RNF130: variants seen among roughly 807,000 people sequenced by gnomAD.
The protein encoded by RNF130 is E3 ubiquitin-protein ligase RNF130.
In RNF130, 21 loss-of-function variants were observed where a neutral mutation model predicts 44.6. The ratio of observed to expected loss-of-function variants is 0.47; its 90% CI spans 0.33 to 0.68. The LOEUF is 0.68. RNF130 is among the 30% of genes least tolerant of loss of function. RNF130 has a pLI of 0.02. For synonymous variants in RNF130, 214 were observed against 210.4 expected (o/e 1.02, Z -0.15); for missense variants, 479 against 560.6 (o/e 0.85, Z 1.47).
At chr5:179,964,118 T>C (rs1362292906) in intron 7 of RNF130, 1 of 152,480 alleles carries the variant, frequency 6.6e-6, no homozygotes, top group Non-Finnish European at 1.5e-5. Flanking sequence ...GATATTTACG[T>C]AAAAAGGACA....
chr5:179,971,878 C>T (rs1223017945), intron 5 of RNF130, among the ~76,000 whole-genome samples: 2 of 152,164 alleles, frequency 1.3e-5, no homozygotes, highest in Admixed American at 6.5e-5. Flanking sequence ...TATACACACA[C>T]GTCTGCCTAT....
intron 2 of RNF130, among the ~76,000 whole-genome samples, chr5:180,036,153 T>A (rs558244354): frequency 6.6e-6 from 1 of 152,304 alleles, no homozygotes; most frequent in East Asian, 1.9e-4. Flanking sequence ...ATTCTGATAT[T>A]TTCCCCCTTA....
intron 7 of RNF130, among the ~76,000 whole-genome samples, chr5:179,936,967 C>T (rs1276930058): frequency 6.6e-6 from 1 of 152,152 alleles, no homozygotes; most frequent in Admixed American, 6.5e-5. Context: ...CAAAATGGAT[C>T]AAATACCTAA....
intron 3 of RNF130, among the ~76,000 whole-genome samples, chr5:179,990,578 C>G (rs181673077): frequency 6.6e-6 from 1 of 152,276 alleles, no homozygotes; most frequent in Non-Finnish European, 1.5e-5. Context: ...TCTCTAAACT[C>G]CCCCAGGGAA....
At chr5:179,950,591 T>G (rs1445278296), downstream of RNF130, among the ~76,000 whole-genome samples, 4 of 152,218 alleles carry the variant, frequency 2.6e-5, no homozygotes, top group African/African-American at 9.6e-5. Context: ...ACAAACAGGT[T>G]CAAATTTCAA....
At chr5:180,017,452 C>G (rs1327556138) in intron 2 of RNF130, among the ~76,000 whole-genome samples, 1 of 152,122 alleles carries the variant, frequency 6.6e-6, no homozygotes, top group Non-Finnish European at 1.5e-5. Flanking sequence ...CTAGCCAGTT[C>G]CCCAAAAACC....
intron 1 of RNF130, among the ~76,000 whole-genome samples, chr5:180,051,492 C>T (rs1397616802): frequency 1.3e-5 from 2 of 152,082 alleles, no homozygotes; most frequent in African/African-American, 4.8e-5. Flanking sequence ...TTGCCTGGGC[C>T]TCCCAAAGTG....
intron 1 of RNF130, among the ~76,000 whole-genome samples, chr5:180,055,447 T>TGC (rs1764794140): frequency 6.6e-6 from 1 of 151,066 alleles, no homozygotes; most frequent in Non-Finnish European, 1.5e-5. Context: ...ACTTTGTGTG[T>TGC]GTGTGCGTGT....
chr5:179,913,271 C>T (rs1761494871), exon 8 of RNF130: 1 of 152,232 alleles, frequency 6.6e-6, no homozygotes, highest in African/African-American at 2.4e-5. Context: ...GGAGGAACTC[C>T]ACAGCCCAGG....
At chr5:180,000,944 T>C (rs1561687247) in intron 3 of RNF130, among the ~76,000 whole-genome samples, 1 of 152,244 alleles carries the variant, frequency 6.6e-6, no homozygotes, top group East Asian at 1.9e-4. Flanking sequence ...CCTTATTTCA[T>C]GTTTCTCACG....
At chr5:180,057,466 G>A (rs1488473945) in intron 1 of RNF130, among the ~76,000 whole-genome samples, 5 of 152,016 alleles carry the variant, frequency 3.3e-5, no homozygotes, top group African/African-American at 4.8e-5. Context: ...GGAAATTGCC[G>A]GAACCTAGGA....
At chr5:179,971,197 T>C (rs760174635) in intron 5 of RNF130, among the ~76,000 whole-genome samples, 11 of 152,090 alleles carry the variant, frequency 7.2e-5, no homozygotes, top group Admixed American at 3.3e-4. Context: ...AAAAGGAACT[T>C]GTGCCCTCCG....
chr5:180,010,223 G>A (rs1217440501), intron 3 of RNF130, among the ~76,000 whole-genome samples: 17 of 129,552 alleles, frequency 1.3e-4, no homozygotes, highest in Admixed American at 4.6e-4. Flanking sequence ...CTCCAGCCTC[G>A]GCGACAGTGA....
chr5:179,987,650 G>A (rs1762985627), intron 3 of RNF130, among the ~76,000 whole-genome samples: 1 of 152,186 alleles, frequency 6.6e-6, no homozygotes, highest in South Asian at 2.1e-4. Flanking sequence ...CTATATTGAA[G>A]TATGTTACTT....
chr5:180,011,230 C>T (rs1763589908), intron 3 of RNF130, among the ~76,000 whole-genome samples: 1 of 152,088 alleles, frequency 6.6e-6, no homozygotes, highest in Non-Finnish European at 1.5e-5. Context: ...ATGCAAAATC[C>T]AATGAGCTCC....
At chr5:179,935,964 C>T (rs518075) in intron 7 of RNF130, among the ~76,000 whole-genome samples, 60,703 of 151,900 alleles carry the variant, frequency 0.4, 13,014 homozygotes, top group East Asian at 0.64. Context: ...TGAGTATCAG[C>T]GTCTCACACA....
rs749827231 is a variant in RNF130 at position 180,013,163 on chromosome 5, G to A, written c.591C>T (p.Phe197=). The change falls in exon 3 of 9, where the codon TTC becomes TTT. Residue 197 remains phenylalanine, a synonymous_variant. Transcript: ENST00000521389. ...TCAAAACAATAAAGGATATTGACAC[G>A]AAGACTAGAGAGCCACGGCTGAAGT... The part of the protein sequence containing the change: ...PKNFSRGSLV[F]VSISFIVLMI... 9.3e-6 allele frequency: 15 copies of A among 1,613,888 alleles called. No individual in the cohort carries two copies. Among genetic ancestry groups the A allele is most frequent in the Non-Finnish European group, 1.3e-5 (15 of 1,180,012 alleles).
intron 8 of RNF130, among the ~76,000 whole-genome samples, chr5:179,962,250 T>C (rs899888847): frequency 2.0e-5 from 3 of 152,310 alleles, no homozygotes; most frequent in South Asian, 2.1e-4. Flanking sequence ...CCTCAACATG[T>C]ATGGCTCACA....
At chr5:179,961,299 C>A (rs897398574) in intron 8 of RNF130, among the ~76,000 whole-genome samples, 1 of 152,148 alleles carries the variant, frequency 6.6e-6, no homozygotes, top group African/African-American at 2.4e-5. Context: ...TATTGTCCTT[C>A]GGTGGTTTTG....
Sources: gnomAD v4.1 joint callset for allele counts (sites outside exome capture counted in the v4.1 genomes callset) on GRCh38, gnomAD v4.1.1 for gene constraint, MANE v1.5 for transcripts, NCBI Gene and HGNC (gene_info 2026-07-23, HGNC 2026-07-21) for gene names.